The following CACNA1D variants were observed in gnomAD, a reference collection of about 807,000 sequenced individuals.
CACNA1D encodes the protein calcium voltage-gated channel subunit alpha1 D.
In CACNA1D, 55 loss-of-function variants were observed where a neutral mutation model predicts 257.1. The ratio of observed to expected loss-of-function variants is 0.21; its 90% CI spans 0.17 to 0.27. The LOEUF (loss-of-function observed/expected upper bound fraction) is 0.27, where lower values mean the gene tolerates loss of function less well. Ranked by LOEUF, CACNA1D falls within the 10% of genes least tolerant of loss-of-function variation. CACNA1D has a pLI of 1.00. For synonymous variants in CACNA1D, 980 were observed against 1,014.9 expected, an observed-to-expected ratio of 0.97 and a Z score of 0.65; for missense variants, 1,876 against 2,784.0, an observed-to-expected ratio of 0.67 and a Z score of 7.34.
chr3:53,757,376 C>A (rs969126105), intron 29 of CACNA1D, among the ~76,000 whole-genome samples: 1 of 152,230 alleles, frequency 6.6e-6, no homozygotes, highest in Non-Finnish European at 1.5e-5. Context: ...AGAGCCCTCT[C>A]CTGGTCCCCT....
At chr3:53,654,259 G>A (rs2094127362) in intron 4 of CACNA1D, among the ~76,000 whole-genome samples, 2 of 152,146 alleles carry the variant, frequency 1.3e-5, no homozygotes, top group Admixed American at 1.3e-4. Context: ...AGAATGAAGA[G>A]TACCAGAAAG....
At chr3:53,602,307 A>G (rs1441394149) in intron 3 of CACNA1D, among the ~76,000 whole-genome samples, 2 of 152,248 alleles carry the variant, frequency 1.3e-5, no homozygotes, top group Admixed American at 6.5e-5. Context: ...TTATGGCAGC[A>G]TAATATTCCA....
chr3:53,699,246 G>T (rs548317267), intron 8 of CACNA1D, among the ~76,000 whole-genome samples: 1 of 152,236 alleles, frequency 6.6e-6, no homozygotes, highest in East Asian at 1.9e-4. Flanking sequence ...CAATCCTAAC[G>T]GGTTTGTGGC....
At chr3:53,750,565 T>C (rs999811171) in intron 27 of CACNA1D, among the ~76,000 whole-genome samples, 16 of 152,096 alleles carry the variant, frequency 1.1e-4, no homozygotes, top group African/African-American at 3.6e-4. Context: ...TTCCTTTGAG[T>C]TGTCAGGGTG....
At chr3:53,606,959 A>G (rs965022591) in intron 3 of CACNA1D, among the ~76,000 whole-genome samples, 12 of 152,322 alleles carry the variant, frequency 7.9e-5, no homozygotes, top group African/African-American at 2.9e-4. Flanking sequence ...TGTGTGCATC[A>G]CAAGTTTGTC....
chr3:53,589,241 T>A (rs1316057640), intron 3 of CACNA1D, among the ~76,000 whole-genome samples: 1 of 152,182 alleles, frequency 6.6e-6, no homozygotes, highest in Non-Finnish European at 1.5e-5. Flanking sequence ...CAGTGGTTGG[T>A]GAGAGAATAG....
chr3:53,711,001 C>T (rs1448906500), intron 9 of CACNA1D, among the ~76,000 whole-genome samples: 7 of 152,136 alleles, frequency 4.6e-5, no homozygotes, highest in Admixed American at 4.6e-4. Flanking sequence ...GAAGCCGAGG[C>T]AGGAGGATCA....
chr3:53,728,283 T>C (rs577064709), intron 15 of CACNA1D, among the ~76,000 whole-genome samples: 20 of 152,290 alleles, frequency 1.3e-4, no homozygotes, highest in Non-Finnish European at 2.6e-4. Context: ...GGATTACATG[T>C]GTGCACCACC....
chr3:53,738,924 G>A (rs1198810817), intron 20 of CACNA1D, among the ~76,000 whole-genome samples: 1 of 151,822 alleles, frequency 6.6e-6, no homozygotes, highest in Non-Finnish European at 1.5e-5. Context: ...CTAGGAAGGA[G>A]TAAGGAAAAG....
In CACNA1D at chr3:53,596,352, G is replaced by A. The variant is rs573463945; in HGVS notation, c.484-54427G>A. 5.3e-5 allele frequency among the ~76,000 whole-genome samples: 8 copies of A among 152,250 alleles called. No individual in the cohort carries two copies. The East Asian group carries it at 1.4e-3, about 26-fold the overall frequency. ...TGAGGAAGGATAACTCCAGTGTTGG[G>A]GGAGAGTCTGCCAGGAGATAGGTGC... On this transcript the variant is annotated intron_variant, in intron 3 of 47. Transcript: ENST00000350061.
chr3:53,649,759 T>C (rs2094068149), intron 3 of CACNA1D, among the ~76,000 whole-genome samples: 1 of 152,228 alleles, frequency 6.6e-6, no homozygotes. Flanking sequence ...CTATAGTTCA[T>C]ATTGGAAAGT....
intron 3 of CACNA1D, among the ~76,000 whole-genome samples, chr3:53,587,457 G>A (rs1320899944): frequency 6.6e-6 from 1 of 152,022 alleles, no homozygotes; most frequent in Non-Finnish European, 1.5e-5. Context: ...GGCCTGTTTT[G>A]GGCAGGAGGG....
Position 53,760,383 on chromosome 3 carries a change from T to C in CACNA1D, c.3787-1615T>C, listed in dbSNP as rs149440107. 2.7e-3 allele frequency among the ~76,000 whole-genome samples: 417 copies of C among 152,310 alleles called. 3 individuals are homozygous for C. Among genetic ancestry groups the C allele is most frequent in the African/African-American group, 9.5e-3 (394 of 41,568 alleles). On this transcript the variant is annotated intron_variant, in intron 29 of 47. Coordinates refer to ENST00000350061, the MANE Select transcript of CACNA1D (RefSeq NM_001128840.3). ...TCACAAGTTTCTGGGACCTGACACC[T>C]CAAAGTACTTTTTGTTCTGGTTTTC...
At chr3:53,667,634 T>A (rs1052023534) in intron 7 of CACNA1D, among the ~76,000 whole-genome samples, 1 of 152,224 alleles carries the variant, frequency 6.6e-6, no homozygotes, top group Non-Finnish European at 1.5e-5. Flanking sequence ...ATAAATAGGT[T>A]TTTGCTGCCC....
chr3:53,804,205 G>A (rs1475162514), intron 44 of CACNA1D, among the ~76,000 whole-genome samples: 1 of 152,200 alleles, frequency 6.6e-6, no homozygotes, highest in Non-Finnish European at 1.5e-5. Context: ...CAGGGGCCCA[G>A]TGAAGTGGAA....
chr3:53,659,021 G>A (rs2094176414), intron 4 of CACNA1D, among the ~76,000 whole-genome samples: 1 of 152,210 alleles, frequency 6.6e-6, no homozygotes, highest in East Asian at 1.9e-4. Flanking sequence ...GGCAGTTTCT[G>A]CTTTGTCTGC....
chr3:53,651,004 T>A (rs1444683876), intron 4 of CACNA1D, 86 bp downstream of exon 4: 10 of 1,259,066 alleles, frequency 7.9e-6, no homozygotes, highest in Middle Eastern at 1.9e-4. Context: ...AACAGTCTTT[T>A]TAGGGAATGT....
At position 53,810,057 on chromosome 3, in the gene CACNA1D, C is replaced by G; in HGVS notation, c.5951C>G (p.Pro1984Arg). Residue 1984 changes from proline (P) to arginine (R), a missense_variant, in exon 47 of 48, where the codon CCT becomes CGT. Physicochemically the swap from Pro to Arg is moderately radical, Grantham distance 103. Coordinates refer to ENST00000350061, the MANE Select transcript of CACNA1D (RefSeq NM_001128840.3). ...CACTCGACCCGGTCGTGGGCCACCC[C>G]TCCAGCAACCCCTCCCTACCGGGAC... ...PSHSTRSWATPPATPPYRDWT... is the reference protein window; with the variant it reads ...PSHSTRSWATRPATPPYRDWT... 6.2e-7 allele frequency: 1 copy of G among 1,614,056 alleles called. No homozygotes were observed. Among genetic ancestry groups the G allele is most frequent in the South Asian group, 1.1e-5 (1 of 91,084 alleles).
chr3:53,617,050 G>A (rs547956164), intron 3 of CACNA1D, among the ~76,000 whole-genome samples: 6 of 152,214 alleles, frequency 3.9e-5, no homozygotes, highest in African/African-American at 1.2e-4. Context: ...CAGCACACCT[G>A]CCTGGAATGT....
Sources: gnomAD v4.1 joint callset for allele counts (sites outside exome capture counted in the v4.1 genomes callset) on GRCh38, gnomAD v4.1.1 for gene constraint, MANE v1.5 for transcripts, NCBI Gene and HGNC (gene_info 2026-07-23, HGNC 2026-07-21) for gene names.